Variants in ATRN observed in about 807,000 individuals in gnomAD.
ATRN encodes the protein attractin-2.
A neutral mutation model predicts 178.7 loss-of-function variants in ATRN; 54 were observed. The observed-to-expected ratio is 0.30, with a 90% CI of 0.24 to 0.38. The LOEUF (loss-of-function observed/expected upper bound fraction) is 0.38, where lower values mean the gene tolerates loss of function less well. ATRN is among the 10% of genes least tolerant of loss of function. The pLI, the probability that ATRN is intolerant of heterozygous loss-of-function variation, is 1.00. For synonymous variants in ATRN, 636 were observed against 663.0 expected (o/e 0.96, Z 0.63); for missense variants, 1,443 against 1,815.1 (o/e 0.79, Z 3.73).
intron 19 of ATRN, among the ~76,000 whole-genome samples, chr20:3,591,677 C>A (rs2086444753): frequency 6.6e-6 from 1 of 152,026 alleles, no homozygotes; most frequent in Non-Finnish European, 1.5e-5. Flanking sequence ...TCACTGAGGC[C>A]CGGACAAAAG....
intron 1 of ATRN, chr20:3,490,667 C>T: frequency 1.2e-6 from 1 of 843,076 alleles, no homozygotes; most frequent in Non-Finnish European, 2.1e-6. Context: ...CTTGGATTCT[C>T]TGAGCCTTCA....
Position 3,476,422 on chromosome 20 carries a change from C to T in ATRN, c.410+4905C>T, listed in dbSNP as rs558135658. Among the ~76,000 whole-genome samples the T allele has an allele frequency of 2.0e-5, 3 of 152,096 alleles. No individual in the cohort carries two copies. In the South Asian group the frequency reaches 6.2e-4, roughly 32 times the overall value. ...TTATGGACGTTCTTTGAAGGACTGA[C>T]CTAATTCCAACAAACATTTTGAGAA... On this transcript the variant is annotated intron_variant, in intron 1 of 28. Transcript: ENST00000262919.
At chr20:3,594,399 T>C (rs1281804135) in intron 19 of ATRN, 80 bp from the exon 20 acceptor site, 3 of 1,142,446 alleles carry the variant, frequency 2.6e-6, no homozygotes, top group African/African-American at 3.1e-5. Context: ...TCAGATAAAA[T>C]TGCTTGTTTT....
At position 3,591,202 on chromosome 20, in the gene ATRN, A is replaced by G. The variant is rs930894481; in HGVS notation, c.3218A>G (p.Asn1073Ser). 5 of 1,614,064 alleles carry G rather than the reference A, an allele frequency of 3.1e-6. 1 individual carries two copies. Among genetic ancestry groups the G allele is most frequent in the South Asian group, 1.1e-5 (1 of 91,072 alleles). Residue 1073 changes from asparagine (N) to serine (S), a missense_variant, in exon 19 of 29, where the codon AAT becomes AGT. Physicochemically the swap from Asn to Ser is conservative, Grantham distance 46 (BLOSUM62 1). This residue lies in a region of ATRN where 80 missense variants were observed against 71.5 expected (regional missense o/e 1.12). Coordinates refer to ENST00000262919, the MANE Select transcript of ATRN (RefSeq NM_139321.3). Reference sequence around the variant, plus strand: ...TGCAACGGCCACAGTAAATGCATCAATCAGAGCATCTGTGAGAAGTGTGAG... The same window carrying G: ...TGCAACGGCCACAGTAAATGCATCAGTCAGAGCATCTGTGAGAAGTGTGAG... ...CQCNGHSKCI[N>S]QSICEKCENL...
chr20:3,507,048 G>T (rs1350710065), intron 1 of ATRN, among the ~76,000 whole-genome samples: 2 of 150,882 alleles, frequency 1.3e-5, no homozygotes, highest in East Asian at 3.9e-4. Context: ...TTGCCGGGAG[G>T]TTTTGTTTTT....
intron 1 of ATRN, among the ~76,000 whole-genome samples, chr20:3,475,320 G>A (rs750368887): frequency 3.3e-5 from 5 of 152,166 alleles, no homozygotes; most frequent in Non-Finnish European, 7.3e-5. Flanking sequence ...TTATCACTGA[G>A]TGCAGACTAT....
At position 3,592,607 on chromosome 20, in the gene ATRN, AAAC is replaced by A. The variant is rs11467919; in HGVS notation, c.3322+1306_3322+1308del. 0.011 allele frequency: 6,007 copies of A among 523,466 alleles called. 349 individuals carry two copies. In the African/African-American group the frequency reaches 0.12, roughly 10 times the overall value. 32.4% of individuals were successfully genotyped at this position (523,466 alleles called of 1,614,324 possible). On this transcript the variant is annotated intron_variant, in intron 19 of 28. Coordinates refer to ENST00000262919, the MANE Select transcript of ATRN (RefSeq NM_139321.3). The stretch of plus-strand genomic sequence containing the variant: ...TTTCAAAGTTCTGAGCAGGAAAAGT[AAAC>A]AACATAGGGAAATCTCTACCTACTC...
At chr20:3,571,513 C>T (rs1290236443) in intron 11 of ATRN, among the ~76,000 whole-genome samples, 1 of 151,042 alleles carries the variant, frequency 6.6e-6, no homozygotes, top group Non-Finnish European at 1.5e-5. Context: ...TGTGAGAGTG[C>T]CTTTTGCCCC....
chr20:3,517,112 C>T (rs1393392600), intron 1 of ATRN, among the ~76,000 whole-genome samples: 2 of 152,182 alleles, frequency 1.3e-5, no homozygotes, highest in Non-Finnish European at 2.9e-5. Flanking sequence ...AGTGTAAAAG[C>T]GTTCCTATTT....
intron 1 of ATRN, among the ~76,000 whole-genome samples, chr20:3,521,489 T>C (rs1389811418): frequency 6.6e-6 from 1 of 152,196 alleles, no homozygotes; most frequent in Non-Finnish European, 1.5e-5. Flanking sequence ...AGTTCTAAAA[T>C]ACATGAAGTA....
chr20:3,607,419 C>T (rs1231351400), intron 24 of ATRN, among the ~76,000 whole-genome samples: 3 of 152,188 alleles, frequency 2.0e-5, no homozygotes, highest in Non-Finnish European at 4.4e-5. Flanking sequence ...CCATTCTGCA[C>T]TCTACCTCCA....
intron 26 of ATRN, among the ~76,000 whole-genome samples, chr20:3,636,602 A>G (rs1359947918): frequency 6.6e-6 from 1 of 152,250 alleles, no homozygotes; most frequent in Admixed American, 6.5e-5. Flanking sequence ...TGAGCATTTA[A>G]AAATTCCAGG....
In ATRN at chr20:3,575,809, ATT is replaced by A; in HGVS notation, c.2093-15_2093-14del. 6.3e-7 allele frequency: 1 copy of A among 1,595,142 alleles called. No homozygotes were observed. Among genetic ancestry groups the A allele is most frequent in the Admixed American group, 1.7e-5 (1 of 57,398 alleles). ...AATTGAAGTTGTCCCAGTTCATGAG[ATT>A]TTGTTTTCTTTGCAGCTCTTGACCA... On this transcript the variant is annotated splice_polypyrimidine_tract_variant and intron_variant, in intron 12 of 28. Coordinates refer to ENST00000262919, the MANE Select transcript of ATRN (RefSeq NM_139321.3).
At chr20:3,550,050 A>G (rs947218724) in intron 6 of ATRN, among the ~76,000 whole-genome samples, 2 of 152,230 alleles carry the variant, frequency 1.3e-5, no homozygotes, top group African/African-American at 4.8e-5. Flanking sequence ...TGGTCAGGCT[A>G]GGCGCAGTGG....
At chr20:3,626,292 A>G (rs973571974) in intron 25 of ATRN, among the ~76,000 whole-genome samples, 9 of 151,580 alleles carry the variant, frequency 5.9e-5, no homozygotes, top group Non-Finnish European at 1.2e-4. Flanking sequence ...ATTTTCCATT[A>G]GAATTTAGAA....
chr20:3,578,602 T>C lies in ATRN; in HGVS notation c.2374T>C (p.Trp792Arg). 6.2e-7 allele frequency: 1 copy of C among 1,608,414 alleles called. No homozygotes were observed. The highest frequency in any genetic ancestry group is 8.5e-7 in the Non-Finnish European group (1 of 1,176,980). Residue 792 changes from tryptophan (W) to arginine (R), a missense_variant, in exon 15 of 29, where the codon TGG (tryptophan) becomes CGG (arginine). Coordinates refer to ENST00000262919, the MANE Select transcript of ATRN (RefSeq NM_139321.3). ...GAAAGAAAATATCTGTGGCATTGGC[T>C]GGCATTTGGTTGGAAACTCATGTTT... is the stretch of plus-strand genomic sequence containing the variant. ...ALPENICGIG[W>R]HLVGNSCLKI...
rs1008768571 is a variant in ATRN, at chr20:3,645,597, C to T, written c.4166-1126C>T. Among the ~76,000 whole-genome samples, 2 of 152,230 alleles carry T rather than the reference C, an allele frequency of 1.3e-5. No individual in the cohort carries two copies. Among genetic ancestry groups the T allele is most frequent in the African/African-American group, 4.8e-5 (2 of 41,460 alleles). Reference sequence around the variant, plus strand: ...GCCTTTGCCTGACATGCCCCAACCACCTGAAACACCTAATAAAGGTCTGCT... The same window carrying T: ...GCCTTTGCCTGACATGCCCCAACCATCTGAAACACCTAATAAAGGTCTGCT... On this transcript the variant is annotated intron_variant, in intron 28 of 28. Coordinates refer to ENST00000262919, the MANE Select transcript of ATRN (RefSeq NM_139321.3). The surrounding 1 kb of genome is among the most constrained non-coding windows in gnomAD (Gnocchi z 4.7).
At chr20:3,588,567 T>C (rs1319384740) in intron 18 of ATRN, among the ~76,000 whole-genome samples, 1 of 152,244 alleles carries the variant, frequency 6.6e-6, no homozygotes, top group African/African-American at 2.4e-5. Context: ...TGTATATTTT[T>C]AATCTGCTGT....
At chr20:3,634,709 G>T (rs1000311525) in intron 26 of ATRN, among the ~76,000 whole-genome samples, 15 of 152,174 alleles carry the variant, frequency 9.9e-5, no homozygotes, top group African/African-American at 3.4e-4. Context: ...AGATCCAAGG[G>T]CGTATTAGCA....
Sources: gnomAD v4.1 joint callset for allele counts (sites outside exome capture counted in the v4.1 genomes callset) on GRCh38, gnomAD v4.1.1 for gene constraint, gnomAD v4.1.1 regional missense constraint, Gnocchi (gnomAD v3.1) non-coding constraint, MANE v1.5 for transcripts, NCBI Gene and HGNC (gene_info 2026-07-23, HGNC 2026-07-21) for gene names.